Variants in FGF14 observed in about 807,000 individuals in gnomAD.
FGF14 encodes the protein fibroblast growth factor homologous factor 4.
A neutral mutation model predicts 25.5 loss-of-function variants in FGF14; 5 were observed. The observed-to-expected ratio is 0.20, with a 90% CI of 0.10 to 0.41. The LOEUF is 0.41. Ranked by LOEUF, FGF14 falls within the 10% of genes least tolerant of loss-of-function variation. The pLI is 1.00. For synonymous variants in FGF14, 138 were observed against 118.3 expected, an observed-to-expected ratio of 1.17 and a Z score of -1.08; for missense variants, 222 against 320.1, an observed-to-expected ratio of 0.69 and a Z score of 2.34.
chr13:102,308,934 A>AAC lies in FGF14; in HGVS notation c.208+92536_208+92537insGT, dbSNP rs1555398892. Among the ~76,000 whole-genome samples, 134 of 139,708 alleles carry AAC rather than the reference A, an allele frequency of 9.6e-4. 4 individuals are homozygous for AAC. The highest frequency in any genetic ancestry group is 9.0e-3 in the South Asian group (40 of 4,430). 91.7% of individuals were successfully genotyped at this position (139,708 alleles called of 152,430 possible). ...TCTTATACAAAAAAAAAAAAAAAAA[A>AAC]CACAAAAAAAACAGACCCTAGAAAA... On this transcript the variant is annotated intron_variant, in intron 1 of 4. Transcript: ENST00000376131.
chr13:101,738,910 T>G (rs1328081753), intron 3 of FGF14, among the ~76,000 whole-genome samples: 1 of 146,044 alleles, frequency 6.8e-6, no homozygotes, highest in South Asian at 2.2e-4. Context: ...TATATACCAA[T>G]TGGTATATAT....
At chr13:102,307,660 A>G (rs2055469835) in intron 1 of FGF14, among the ~76,000 whole-genome samples, 1 of 152,160 alleles carries the variant, frequency 6.6e-6, no homozygotes, top group Non-Finnish European at 1.5e-5. Context: ...ATGTACATGT[A>G]TGTTAGGATG....
intron 3 of FGF14, among the ~76,000 whole-genome samples, chr13:101,776,921 G>A (rs1414136313): frequency 6.6e-6 from 1 of 152,282 alleles, no homozygotes; most frequent in East Asian, 1.9e-4. Context: ...TGTCTTCACA[G>A]GGTGGAAAGG....
intron 1 of FGF14, among the ~76,000 whole-genome samples, chr13:101,938,689 T>C (rs566817737): frequency 3.3e-5 from 5 of 152,356 alleles, no homozygotes; most frequent in African/African-American, 1.2e-4. Flanking sequence ...ATAATTGTTA[T>C]CCTCAGCCTA....
intron 1 of FGF14, among the ~76,000 whole-genome samples, chr13:101,914,311 A>T (rs1191574959): frequency 6.6e-6 from 1 of 151,688 alleles, no homozygotes; most frequent in African/African-American, 2.4e-5. Context: ...TGATACTAAT[A>T]AATTAATCCT....
At chr13:102,192,524 C>A (rs2049168159) in intron 1 of FGF14, among the ~76,000 whole-genome samples, 1 of 152,134 alleles carries the variant, frequency 6.6e-6, no homozygotes, top group Non-Finnish European at 1.5e-5. Context: ...TTATGCTTAA[C>A]AATTTCTTCT....
At chr13:101,807,273 C>T (rs1286736086) in intron 3 of FGF14, among the ~76,000 whole-genome samples, 1 of 152,060 alleles carries the variant, frequency 6.6e-6, no homozygotes, top group East Asian at 1.9e-4. Context: ...AGAGTTGCAT[C>T]AGTACTTTAA....
At chr13:102,181,926 C>G (rs1029614073) in intron 1 of FGF14, among the ~76,000 whole-genome samples, 3 of 152,170 alleles carry the variant, frequency 2.0e-5, no homozygotes, top group South Asian at 2.1e-4. Flanking sequence ...CTACTCAGAA[C>G]CTCACAGGGA....
chr13:102,055,440 A>T (rs1479044419), intron 1 of FGF14, among the ~76,000 whole-genome samples: 6 of 152,202 alleles, frequency 3.9e-5, no homozygotes, highest in African/African-American at 1.2e-4. Flanking sequence ...AGTCAGTGGG[A>T]TCTTTTTAAA....
At chr13:102,231,364 A>G (rs959766143) in intron 1 of FGF14, among the ~76,000 whole-genome samples, 2 of 152,168 alleles carry the variant, frequency 1.3e-5, no homozygotes, top group Admixed American at 6.5e-5. Context: ...ATGAATCTGG[A>G]AAAATATTCT....
At chr13:102,254,980 T>G (rs1029710173) in intron 1 of FGF14, among the ~76,000 whole-genome samples, 5 of 152,188 alleles carry the variant, frequency 3.3e-5, no homozygotes, top group African/African-American at 1.2e-4. Context: ...TCTGCGACAG[T>G]TTAATGTAAA....
At chr13:102,017,522 T>C (rs2040410620) in intron 1 of FGF14, among the ~76,000 whole-genome samples, 1 of 152,154 alleles carries the variant, frequency 6.6e-6, no homozygotes, top group Non-Finnish European at 1.5e-5. Context: ...TTCTCTTCTC[T>C]CTATAGAAGT....
At chr13:102,073,767 A>T (rs2043242431) in intron 1 of FGF14, among the ~76,000 whole-genome samples, 1 of 152,204 alleles carries the variant, frequency 6.6e-6, no homozygotes, top group African/African-American at 2.4e-5. Flanking sequence ...TTGCATTAAC[A>T]TGTTTAAAAC....
chr13:102,205,948 C>T (rs2049891040), intron 1 of FGF14, among the ~76,000 whole-genome samples: 2 of 121,264 alleles, frequency 1.6e-5, no homozygotes, highest in African/African-American at 3.1e-5. Flanking sequence ...TGGGACTTGG[C>T]TTCCACGAGA....
chr13:102,266,815 T>A (rs1261759314), intron 1 of FGF14, among the ~76,000 whole-genome samples: 4 of 151,876 alleles, frequency 2.6e-5, no homozygotes, highest in Admixed American at 2.6e-4. Context: ...ACTGCTGAAA[T>A]CAGTAAGAAA....
At chr13:101,745,792 A>G (rs2036847522) in intron 3 of FGF14, among the ~76,000 whole-genome samples, 1 of 152,042 alleles carries the variant, frequency 6.6e-6, no homozygotes, top group Non-Finnish European at 1.5e-5. Context: ...TGGAGAGAAG[A>G]GTGGAGTGTA....
intron 1 of FGF14, among the ~76,000 whole-genome samples, chr13:102,173,950 G>A (rs1025906232): frequency 6.6e-6 from 1 of 152,030 alleles, no homozygotes; most frequent in Non-Finnish European, 1.5e-5. Flanking sequence ...GAGCAATCAG[G>A]CAAGAGAAAG....
chr13:101,823,920 A>ATAG (rs1434329089), intron 3 of FGF14, among the ~76,000 whole-genome samples: 1 of 151,510 alleles, frequency 6.6e-6, no homozygotes, highest in Non-Finnish European at 1.5e-5. Flanking sequence ...TTTCTTAATA[A>ATAG]TCAATTATAA....
chr13:102,032,836 T>C (rs564732104), intron 1 of FGF14, among the ~76,000 whole-genome samples: 6 of 152,232 alleles, frequency 3.9e-5, no homozygotes, highest in African/African-American at 1.4e-4. Context: ...ATCCCAGCTA[T>C]GTCCTATTCA....
Sources: gnomAD v4.1 joint callset for allele counts (sites outside exome capture counted in the v4.1 genomes callset) on GRCh38, gnomAD v4.1.1 for gene constraint, MANE v1.5 for transcripts, NCBI Gene and HGNC (gene_info 2026-07-23, HGNC 2026-07-21) for gene names.